CTNNA2: variants seen among roughly 807,000 people sequenced by gnomAD.
CTNNA2 encodes the protein catenin alpha-2.
Under a neutral mutation model 101.0 loss-of-function variants are expected in CTNNA2, and 42 were observed. That is an observed-to-expected ratio of 0.42 (90% CI 0.32 to 0.54). The LOEUF (loss-of-function observed/expected upper bound fraction) is 0.54, where lower values mean the gene tolerates loss of function less well. CTNNA2 is among the 20% of genes least tolerant of loss of function. The pLI, the probability that CTNNA2 is intolerant of heterozygous loss-of-function variation, is 0.14. For synonymous variants in CTNNA2, 450 were observed against 456.4 expected, an observed-to-expected ratio of 0.99 and a Z score of 0.18; for missense variants, 871 against 1,223.1, an observed-to-expected ratio of 0.71 and a Z score of 4.29.
chr2:80,627,083 ATG>A (rs1671765544), intron 18 of CTNNA2, among the ~76,000 whole-genome samples: 1 of 152,144 alleles, frequency 6.6e-6, no homozygotes, highest in South Asian at 2.1e-4. Context: ...CATGGTGTAT[ATG>A]TGCCACATTT....
chr2:79,241,618 T>C (rs1674626224), intron 2 of CTNNA2, among the ~76,000 whole-genome samples: 3 of 152,294 alleles, frequency 2.0e-5, no homozygotes, highest in South Asian at 4.1e-4. Flanking sequence ...TTCCAGAATA[T>C]GGTCCAAGAA....
chr2:80,151,465 AG>A (rs1405350057), intron 7 of CTNNA2, among the ~76,000 whole-genome samples: 3 of 152,224 alleles, frequency 2.0e-5, no homozygotes, highest in African/African-American at 7.2e-5. Context: ...TGAAATATAC[AG>A]TAAGAGCCAC....
chr2:79,595,509 C>G (rs1677130886), intron 1 of CTNNA2, among the ~76,000 whole-genome samples: 1 of 152,122 alleles, frequency 6.6e-6, no homozygotes, highest in Non-Finnish European at 1.5e-5. Context: ...TTCTGTATTT[C>G]TATCTTAGTG....
chr2:79,378,323 C>T (rs1372244215), intron 4 of CTNNA2, among the ~76,000 whole-genome samples: 1 of 152,060 alleles, frequency 6.6e-6, no homozygotes, highest in Admixed American at 6.6e-5. Context: ...AAAACAGAGT[C>T]CCCTAAGTAG....
intron 2 of CTNNA2, among the ~76,000 whole-genome samples, chr2:79,686,212 C>G (rs186770019): frequency 6.6e-6 from 1 of 152,070 alleles, no homozygotes. Flanking sequence ...TCATGCTTTA[C>G]TGAAAGCTAA....
At chr2:79,704,014 T>C (rs1388398122) in intron 2 of CTNNA2, among the ~76,000 whole-genome samples, 4 of 152,166 alleles carry the variant, frequency 2.6e-5, no homozygotes. Flanking sequence ...AGTTGGCATA[T>C]ATATTTAGTA....
intron 6 of CTNNA2, among the ~76,000 whole-genome samples, chr2:79,905,338 T>C (rs188827609): frequency 1.3e-3 from 196 of 152,228 alleles, no homozygotes; most frequent in African/African-American, 4.5e-3. Flanking sequence ...AATGACAATG[T>C]AAGATGGAAC....
chr2:79,869,844 A>G lies in CTNNA2; in HGVS notation c.494A>G (p.Asn165Ser), dbSNP rs1311785162. Reference protein sequence around the residue: ...IVEEALEAVKNATNEQDLANR... With the variant: ...IVEEALEAVKSATNEQDLANR... Reference sequence around the variant, plus strand: ...GAAGAGGCCCTGGAAGCTGTCAAAAATGCTACAAATGAGCAAGACCTTGCA... The same window carrying G: ...GAAGAGGCCCTGGAAGCTGTCAAAAGTGCTACAAATGAGCAAGACCTTGCA... The change falls in exon 5 of 19, where the codon AAT becomes AGT. Residue 165 changes from asparagine (N) to serine (S), a missense_variant. Asn to Ser is a conservative substitution (Grantham distance 46). Around this residue, in one of 5 missense-constraint regions of CTNNA2, gnomAD observed 647 missense variants for 831.5 expected, o/e 0.78. Transcript: ENST00000402739. 1.9e-6 allele frequency: 3 copies of G among 1,614,174 alleles called. No individual in the cohort carries two copies. Among genetic ancestry groups the G allele is most frequent in the South Asian group, 1.1e-5 (1 of 91,072 alleles).
chr2:80,248,008 C>G (rs1671459623), intron 7 of CTNNA2, among the ~76,000 whole-genome samples: 1 of 150,582 alleles, frequency 6.6e-6, no homozygotes, highest in African/African-American at 2.5e-5. Context: ...TATCATTTGT[C>G]TTTTCTTTAT....
At chr2:79,688,068 T>C (rs1442049782) in intron 2 of CTNNA2, among the ~76,000 whole-genome samples, 1 of 152,082 alleles carries the variant, frequency 6.6e-6, no homozygotes, top group Non-Finnish European at 1.5e-5. Context: ...CAGCCAAAAT[T>C]CATGCTACCT....
intron 3 of CTNNA2, among the ~76,000 whole-genome samples, chr2:79,828,720 A>G (rs1213396769): frequency 1.3e-5 from 2 of 152,204 alleles, no homozygotes; most frequent in Non-Finnish European, 2.9e-5. Context: ...TATCTGCCAC[A>G]TATTAGCTCT....
chr2:80,286,506 A>C (rs1674779191), intron 7 of CTNNA2, among the ~76,000 whole-genome samples: 1 of 152,202 alleles, frequency 6.6e-6, no homozygotes, highest in African/African-American at 2.4e-5. Flanking sequence ...TGAAGTAGCT[A>C]CTTATAAAAT....
chr2:79,806,367 A>G (rs1676573113), intron 3 of CTNNA2, among the ~76,000 whole-genome samples: 1 of 152,220 alleles, frequency 6.6e-6, no homozygotes, highest in African/African-American at 2.4e-5. Context: ...ATGTGTTCAG[A>G]CGACTTGCAC....
At chr2:79,634,171 T>C (rs1413747903) in intron 1 of CTNNA2, among the ~76,000 whole-genome samples, 1 of 152,204 alleles carries the variant, frequency 6.6e-6, no homozygotes, top group Non-Finnish European at 1.5e-5. Flanking sequence ...TTTCCCACTT[T>C]GTTGTGCTGT....
intron 2 of CTNNA2, among the ~76,000 whole-genome samples, chr2:79,238,471 A>AT (rs1171654132): frequency 6.6e-6 from 1 of 152,230 alleles, no homozygotes; most frequent in Non-Finnish European, 1.5e-5. Context: ...GAGATAAGAA[A>AT]TGAGCGCATG....
chr2:80,195,773 T>C (rs1427146785), intron 7 of CTNNA2, among the ~76,000 whole-genome samples: 3 of 152,192 alleles, frequency 2.0e-5, no homozygotes, highest in African/African-American at 7.2e-5. Context: ...TTGCTCATTA[T>C]CTTGCTAGCC....
chr2:79,764,932 C>T (rs995911086), intron 3 of CTNNA2, among the ~76,000 whole-genome samples: 22 of 152,126 alleles, frequency 1.4e-4, no homozygotes, highest in South Asian at 6.2e-4. Context: ...AGCTGACAAC[C>T]GGGTAGGATT....
intron 7 of CTNNA2, among the ~76,000 whole-genome samples, chr2:80,355,436 G>A (rs1673690874): frequency 6.6e-6 from 1 of 152,162 alleles, no homozygotes; most frequent in Admixed American, 6.5e-5. Flanking sequence ...TGATGATGAG[G>A]ATGAGAGCTA....
At chr2:80,357,346 C>A (rs1232611288) in intron 7 of CTNNA2, among the ~76,000 whole-genome samples, 1 of 150,792 alleles carries the variant, frequency 6.6e-6, no homozygotes, top group East Asian at 2.0e-4. Context: ...AAGAAGGTAG[C>A]ATGATGTTCT....
Sources: allele counts gnomAD v4.1 joint callset (sites outside exome capture counted in the v4.1 genomes callset), GRCh38; gene constraint gnomAD v4.1.1; regional missense constraint gnomAD v4.1.1; transcripts MANE v1.5; gene names NCBI Gene and HGNC (gene_info 2026-07-23, HGNC 2026-07-21).